FAM107B: variants seen among roughly 807,000 people sequenced by gnomAD.
FAM107B encodes the protein protein FAM107B.
In FAM107B, 21 loss-of-function variants were observed where a neutral mutation model predicts 31.5. The observed-to-expected ratio is 0.67, with a 90% CI of 0.47 to 0.96. The LOEUF is 0.96. FAM107B is among the 40% of genes least tolerant of loss of function. FAM107B has a pLI of 0.00. For synonymous variants in FAM107B, 157 were observed against 141.5 expected (o/e 1.11, Z -0.78); for missense variants, 452 against 377.1 (o/e 1.20, Z -1.64).
Position 14,608,943 on chromosome 10 carries a change from A to G in FAM107B, c.469+58691T>C, listed in dbSNP as rs540880379. On this transcript the variant is annotated intron_variant, in intron 2 of 4. Transcript: ENST00000181796. ...GAGGGCAAAGTAACAGGTGCTAACA[A>G]TAGTCTCAAGGGAAATCTTTCTGAT... Among the ~76,000 whole-genome samples, 11 of 152,336 alleles carry G rather than the reference A, an allele frequency of 7.2e-5. No individual in the cohort carries two copies. In the South Asian group the frequency reaches 1.9e-3, roughly 26 times the overall value.
chr10:14,551,144 A>AATCTAAAAGTC (rs1849224226), intron 2 of FAM107B, among the ~76,000 whole-genome samples: 1 of 152,192 alleles, frequency 6.6e-6, no homozygotes, highest in South Asian at 2.1e-4. Flanking sequence ...GAAAGAACAA[A>AATCTAAAAGTC]ATCTAAAAGT....
intron 1 of FAM107B, among the ~76,000 whole-genome samples, chr10:14,747,255 C>T (rs1832744633): frequency 6.6e-6 from 1 of 152,118 alleles, no homozygotes; most frequent in South Asian, 2.1e-4. Context: ...TTTAGCTCAG[C>T]AAAGTTCATT....
In FAM107B at chr10:14,774,292, G is replaced by A. The variant is rs1162171830; in HGVS notation, c.372C>T (p.His124=). ...TAATTGATGGTCTGGGGATGGAAGCGTGAAACACCACTGCTTCACAGTCCG... is the reference window on the plus strand; with the variant it reads ...TAATTGATGGTCTGGGGATGGAAGCATGAAACACCACTGCTTCACAGTCCG... ...DGADCEAVVF[H]ASIPRPSIID... Residue 124 remains histidine, a synonymous_variant, in exon 1 of 5, where the codon CAC becomes CAT. Transcript: ENST00000181796. The A allele has an allele frequency of 8.1e-6, 13 of 1,613,772 alleles. No individual in the cohort carries two copies. The highest frequency in any genetic ancestry group is 1.7e-5 in the Admixed American group (1 of 59,998).
intron 1 of FAM107B, among the ~76,000 whole-genome samples, chr10:14,693,286 G>T (rs905281173): frequency 6.6e-6 from 1 of 152,098 alleles, no homozygotes; most frequent in Non-Finnish European, 1.5e-5. Flanking sequence ...GACCAGCCTG[G>T]CCAACATGGG....
intron 2 of FAM107B, among the ~76,000 whole-genome samples, chr10:14,639,599 A>G (rs1853582635): frequency 6.6e-6 from 1 of 152,122 alleles, no homozygotes; most frequent in Non-Finnish European, 1.5e-5. Flanking sequence ...TTTAAGTTCA[A>G]TGCCATTCCT....
intron 2 of FAM107B, among the ~76,000 whole-genome samples, chr10:14,568,395 G>A (rs76821068): frequency 5.0e-3 from 137 of 27,140 alleles, no homozygotes; most frequent in South Asian, 0.011. Flanking sequence ...GATACTGGAG[G>A]AGAAGGCTGG....
intron 3 of FAM107B, among the ~76,000 whole-genome samples, chr10:14,526,252 C>T (rs1164213128): frequency 6.6e-6 from 1 of 152,214 alleles, no homozygotes; most frequent in East Asian, 1.9e-4. Flanking sequence ...CGGCTCACTG[C>T]AACCTCCGCT....
rs1463254841 is a variant in FAM107B, at chr10:14,526,339, A to G, written c.653+3993T>C. ...CAGGCGCGTGCCACCACGCCCAGCTAATTTTTTTGTATTTTTAGTAGAGAT... is the reference window on the plus strand; with the variant it reads ...CAGGCGCGTGCCACCACGCCCAGCTGATTTTTTTGTATTTTTAGTAGAGAT... On this transcript the variant is annotated intron_variant, in intron 3 of 4. Coordinates refer to ENST00000181796, the MANE Select transcript of FAM107B (RefSeq NM_031453.4). 1.2e-4 allele frequency among the ~76,000 whole-genome samples: 19 copies of G among 152,100 alleles called. No homozygotes were observed. The East Asian group carries it at 3.5e-3, about 28-fold the overall frequency.
chr10:14,521,214 T>C lies in FAM107B; in HGVS notation c.897A>G (p.Glu299=). Reference sequence around the variant, plus strand: ...CCTAGGACTCCTGGGCTTGGGCGACTTCTTGGCCTGTTCTCCTGAGATTGC... The same window carrying C: ...CCTAGGACTCCTGGGCTTGGGCGACCTCTTGGCCTGTTCTCCTGAGATTGC... ...VKGNLRRTGQ[E]VAQAQES is the part of the protein sequence containing the mutation. Residue 299 remains glutamate, a synonymous_variant, in exon 5 of 5, where the codon GAA becomes GAG. Transcript: ENST00000181796. 6.2e-7 allele frequency: 1 copy of C among 1,614,204 alleles called. No individual in the cohort carries two copies. Among genetic ancestry groups the C allele is most frequent in the Non-Finnish European group, 8.5e-7 (1 of 1,180,008 alleles).
At chr10:14,757,790 C>A (rs1832959671) in intron 1 of FAM107B, among the ~76,000 whole-genome samples, 1 of 152,200 alleles carries the variant, frequency 6.6e-6, no homozygotes, top group Non-Finnish European at 1.5e-5. Flanking sequence ...AAAACAAGAT[C>A]TCCCGTTGAA....
At chr10:14,615,968 T>C (rs1170981365) in intron 2 of FAM107B, among the ~76,000 whole-genome samples, 1 of 152,210 alleles carries the variant, frequency 6.6e-6, no homozygotes, top group East Asian at 1.9e-4. Flanking sequence ...TATGACGGAA[T>C]TACTTAGGCA....
intron 2 of FAM107B, among the ~76,000 whole-genome samples, chr10:14,541,116 C>T (rs1848148798): frequency 6.6e-6 from 1 of 152,140 alleles, no homozygotes; most frequent in Admixed American, 6.5e-5. Flanking sequence ...TCCATAAACG[C>T]ATCTGAAAAT....
rs1845359736 is a variant in FAM107B, at chr10:14,518,783, T to C, written c.*2407A>G. 6.6e-6 allele frequency: 1 copy of C among 152,628 alleles called. No individual in the cohort carries two copies. The highest frequency in any genetic ancestry group is 1.5e-5 in the Non-Finnish European group (1 of 68,038). The allele number at this position is 152,628 out of a possible 1,614,324, so 9.5% of individuals were successfully genotyped here. On this transcript the variant is annotated 3_prime_UTR_variant, in exon 5 of 5. Coordinates refer to ENST00000181796, the MANE Select transcript of FAM107B (RefSeq NM_031453.4). ...AAGAATAAAGTCGACTGTTATAGCT[T>C]AGAAAGCAACACTACTACTATGAGA...
At chr10:14,722,569 T>C (rs1406746029) in intron 1 of FAM107B, among the ~76,000 whole-genome samples, 1 of 152,260 alleles carries the variant, frequency 6.6e-6, no homozygotes, top group African/African-American at 2.4e-5. Context: ...ATTTCCCTAA[T>C]GACTAATATT....
intron 1 of FAM107B, among the ~76,000 whole-genome samples, chr10:14,750,364 C>T (rs1156903782): frequency 6.6e-6 from 1 of 152,204 alleles, no homozygotes; most frequent in East Asian, 1.9e-4. Flanking sequence ...GTAATCCCAG[C>T]ACTTTGGGAG....
At chr10:14,747,608 C>A (rs1832751576) in intron 1 of FAM107B, among the ~76,000 whole-genome samples, 1 of 152,168 alleles carries the variant, frequency 6.6e-6, no homozygotes, top group African/African-American at 2.4e-5. Flanking sequence ...ATCTGGGTTC[C>A]TCCCACACCT....
At chr10:14,723,149 G>T in intron 1 of FAM107B, 1 of 472,288 alleles carries the variant, frequency 2.1e-6, no homozygotes, top group East Asian at 5.6e-5. Flanking sequence ...CGTTGCTTAA[G>T]AGCCAGTACA....
intron 1 of FAM107B, among the ~76,000 whole-genome samples, chr10:14,689,395 G>C (rs904329911): frequency 8.2e-6 from 1 of 122,308 alleles, no homozygotes; most frequent in African/African-American, 3.1e-5. Flanking sequence ...AAAAAAAAAA[G>C]AATAAAAATT....
chr10:14,613,547 A>T (rs936672914), intron 2 of FAM107B, among the ~76,000 whole-genome samples: 6 of 152,194 alleles, frequency 3.9e-5, no homozygotes, highest in Non-Finnish European at 8.8e-5. Context: ...TAATTTCCTC[A>T]CTTACGCCCT....
Sources: allele counts gnomAD v4.1 joint callset (sites outside exome capture counted in the v4.1 genomes callset), GRCh38; gene constraint gnomAD v4.1.1; transcripts MANE v1.5; gene names NCBI Gene and HGNC (gene_info 2026-07-23, HGNC 2026-07-21).